The following BCAS3 variants were observed in gnomAD, a reference collection of about 807,000 sequenced individuals.
BCAS3 encodes BCAS3 microtubule associated cell migration factor, also known as BCAS4/BCAS3 fusion.
In BCAS3, 53 loss-of-function variants were observed where a neutral mutation model predicts 116.1. The ratio of observed to expected loss-of-function variants is 0.46; its 90% CI spans 0.37 to 0.57. The LOEUF (loss-of-function observed/expected upper bound fraction) is 0.57, where lower values mean the gene tolerates loss of function less well. Among genes scored for constraint, BCAS3 ranks in the 20% least tolerant of loss-of-function variants. The pLI, the probability that BCAS3 is intolerant of heterozygous loss-of-function variation, is 0.00. For missense variants in BCAS3, 917 were observed against 1,165.4 expected (o/e 0.79, Z 3.10); for synonymous variants, 391 against 408.2 (o/e 0.96, Z 0.51).
chr17:60,837,473 G>T (rs1366390524), intron 7 of BCAS3, among the ~76,000 whole-genome samples: 1 of 152,056 alleles, frequency 6.6e-6, no homozygotes, highest in Non-Finnish European at 1.5e-5. Flanking sequence ...CATCACTACA[G>T]ATCTTATGAT....
chr17:61,167,640 C>G (rs918860086), intron 22 of BCAS3, among the ~76,000 whole-genome samples: 1 of 152,236 alleles, frequency 6.6e-6, no homozygotes, highest in East Asian at 1.9e-4. Context: ...TAGGGTAGAC[C>G]TCTAAAAAAC....
rs181122871 is a variant in BCAS3 at position 61,102,291 on chromosome 17, T to C, written c.2425+17727T>C. 3.1e-3 allele frequency among the ~76,000 whole-genome samples: 466 copies of C among 152,280 alleles called. 3 individuals are homozygous for C. The highest frequency in any genetic ancestry group is 0.011 in the African/African-American group (437 of 41,574). The stretch of plus-strand genomic sequence containing the variant: ...TATGGAATTAAAAGTTAAATAGGAT[T>C]CTTAACATCTGTTTTTAAATCTTGA... On this transcript the variant is annotated intron_variant, in intron 22 of 23. Transcript: ENST00000407086.
intron 12 of BCAS3, among the ~76,000 whole-genome samples, chr17:60,917,592 C>T (rs2058838210): frequency 6.8e-6 from 1 of 148,088 alleles, no homozygotes; most frequent in African/African-American, 2.7e-5. Context: ...CTACCTTTTG[C>T]CAATTTTTTT....
chr17:61,009,115 G>A (rs1370889050), intron 15 of BCAS3, among the ~76,000 whole-genome samples: 2 of 152,036 alleles, frequency 1.3e-5, no homozygotes, highest in African/African-American at 2.4e-5. Context: ...CTTCAGAAAA[G>A]TGGAGTGCCT....
intron 22 of BCAS3, among the ~76,000 whole-genome samples, chr17:61,169,352 T>C (rs1044732295): frequency 2.6e-5 from 4 of 152,230 alleles, no homozygotes; most frequent in African/African-American, 7.2e-5. Context: ...GTCCTTTACA[T>C]AGAAGTAGAA....
intron 23 of BCAS3, among the ~76,000 whole-genome samples, chr17:61,369,333 C>A (rs901197972): frequency 1.3e-5 from 2 of 152,200 alleles, no homozygotes; most frequent in African/African-American, 4.8e-5. Context: ...CCTTTTCTCT[C>A]CTGCTTGCCT....
chr17:60,720,974 C>A (rs73334323), intron 5 of BCAS3, among the ~76,000 whole-genome samples: 31 of 152,200 alleles, frequency 2.0e-4, no homozygotes, highest in African/African-American at 6.7e-4. Flanking sequence ...AAGAAAAGTG[C>A]GGCTGCTCCT....
chr17:61,306,938 C>G (rs2053903128), intron 22 of BCAS3, among the ~76,000 whole-genome samples: 2 of 152,182 alleles, frequency 1.3e-5, no homozygotes, highest in Non-Finnish European at 1.5e-5. Flanking sequence ...CTGGTTATTT[C>G]TAATTCTTTG....
chr17:61,101,177 G>A (rs1034485333), intron 22 of BCAS3, among the ~76,000 whole-genome samples: 3 of 152,070 alleles, frequency 2.0e-5, no homozygotes, highest in Admixed American at 1.3e-4. Context: ...AAACCTCTCC[G>A]ATGAGATTTT....
intron 22 of BCAS3, among the ~76,000 whole-genome samples, chr17:61,295,424 C>T (rs570594609): frequency 1.7e-4 from 26 of 152,140 alleles, no homozygotes; most frequent in Non-Finnish European, 2.9e-4. Flanking sequence ...AAATGCCCAG[C>T]GTAATCCCCA....
chr17:61,191,122 CA>C (rs1247996140), intron 22 of BCAS3, among the ~76,000 whole-genome samples: 3 of 151,486 alleles, frequency 2.0e-5, no homozygotes, highest in East Asian at 1.9e-4. Flanking sequence ...TCTGTCTCTA[CA>C]AAAAAATAAT....
At chr17:60,969,004 G>C (rs912313858) in intron 14 of BCAS3, among the ~76,000 whole-genome samples, 3 of 148,628 alleles carry the variant, frequency 2.0e-5, no homozygotes, top group Non-Finnish European at 4.5e-5. Flanking sequence ...GTTGGGGGGG[G>C]AGATTTTCTG....
At chr17:60,710,037 G>A (rs1329597719) in intron 5 of BCAS3, among the ~76,000 whole-genome samples, 1 of 151,782 alleles carries the variant, frequency 6.6e-6, no homozygotes, top group Admixed American at 6.6e-5. Context: ...GGATGGTCTT[G>A]AAGTCCTGGA....
chr17:60,971,921 C>G (rs939005056), intron 14 of BCAS3, among the ~76,000 whole-genome samples: 1 of 152,126 alleles, frequency 6.6e-6, no homozygotes, highest in African/African-American at 2.4e-5. Context: ...TAATAGCAGC[C>G]TTCTAAAAAA....
At chr17:60,678,737 T>C (rs746042104) in intron 1 of BCAS3, among the ~76,000 whole-genome samples, 1 of 152,214 alleles carries the variant, frequency 6.6e-6, no homozygotes. Context: ...TAGAGTGATA[T>C]CATGTCACTT....
intron 22 of BCAS3, among the ~76,000 whole-genome samples, chr17:61,334,639 A>G (rs947866324): frequency 1.5e-4 from 21 of 137,708 alleles, no homozygotes; most frequent in African/African-American, 5.8e-4. Flanking sequence ...ACTCCAGCCT[A>G]TGCAACAACA....
At position 60,910,532 on chromosome 17, in the gene BCAS3, A is replaced by T; in HGVS notation, c.823A>T (p.Thr275Ser). The change falls in exon 12 of 24, where the codon ACA (threonine) becomes TCA (serine). Residue 275 changes from threonine (T) to serine (S), a missense_variant and splice_region_variant. Coordinates refer to ENST00000407086, the MANE Select transcript of BCAS3 (RefSeq NM_017679.5). Reference protein sequence around the residue: ...YTATVISAAKTLKSGLTMVGK... With the variant: ...YTATVISAAKSLKSGLTMVGK... ...ATACATTTTACCTTTCATTGTACAG[A>T]CATTGAAAAGTGGCCTGACAATGGT... is the stretch of plus-strand genomic sequence containing the variant. 6.2e-7 allele frequency: 1 copy of T among 1,602,834 alleles called. No individual in the cohort carries two copies. Among genetic ancestry groups the T allele is most frequent in the Non-Finnish European group, 8.5e-7 (1 of 1,174,924 alleles).
At position 61,265,645 on chromosome 17, in the gene BCAS3, T is replaced by C. The variant is rs1038644073; in HGVS notation, c.2426-102682T>C. On this transcript the variant is annotated intron_variant, in intron 22 of 23. Transcript: ENST00000407086. The surrounding 1 kb of genome is among the most constrained non-coding windows in gnomAD (Gnocchi z 4.3). The stretch of plus-strand genomic sequence containing the variant: ...CCCAAACTTAGTGAAGCAAGCTCAC[T>C]TGATAAAGAAATGAATTTCAGGATT... 6.6e-6 allele frequency among the ~76,000 whole-genome samples: 1 copy of C among 152,064 alleles called. No homozygotes were observed. The highest frequency in any genetic ancestry group is 1.5e-5 in the Non-Finnish European group (1 of 68,022).
At chr17:60,732,649 G>A (rs1427541583) in intron 5 of BCAS3, among the ~76,000 whole-genome samples, 2 of 152,016 alleles carry the variant, frequency 1.3e-5, no homozygotes, top group Non-Finnish European at 2.9e-5. Context: ...GACCATCCTG[G>A]CCAACATGGT....
Sources: allele counts gnomAD v4.1 joint callset (sites outside exome capture counted in the v4.1 genomes callset), GRCh38; gene constraint gnomAD v4.1.1; non-coding constraint Gnocchi (gnomAD v3.1); transcripts MANE v1.5; gene names NCBI Gene and HGNC (gene_info 2026-07-23, HGNC 2026-07-21).